CELF2: variants seen among roughly 807,000 people sequenced by gnomAD.
CELF2 encodes CUGBP Elav-like family member 2, also known as CUG triplet repeat RNA-binding protein 2.
A neutral mutation model predicts 62.6 loss-of-function variants in CELF2; 8 were observed. The ratio of observed to expected loss-of-function variants is 0.13; its 90% CI spans 0.07 to 0.23. The LOEUF (loss-of-function observed/expected upper bound fraction) is 0.23, where lower values mean the gene tolerates loss of function less well. Among genes scored for constraint, CELF2 ranks in the 10% least tolerant of loss-of-function variants. The pLI, the probability that CELF2 is intolerant of heterozygous loss-of-function variation, is 1.00. For synonymous variants in CELF2, 258 were observed against 250.0 expected (o/e 1.03, Z -0.30); for missense variants, 333 against 671.0 (o/e 0.50, Z 5.56).
rs1198801956 is a variant in CELF2, at chr10:11,212,266, C to T, written c.272-5159C>T. Among the ~76,000 whole-genome samples, 3 of 152,168 alleles carry T rather than the reference C, an allele frequency of 2.0e-5. No individual in the cohort carries two copies. In the East Asian group the frequency reaches 5.8e-4, roughly 29 times the overall value. ...AAATGGGGAACCAGGGCTTTCCATA[C>T]CTGTCTCCTTCTCTCAGTGTCCAGG... On this transcript the variant is annotated intron_variant, in intron 2 of 12. Transcript: ENST00000633077.
At chr10:10,698,468 A>G in the CELF2 span, among the ~76,000 whole-genome samples, 7 of 152,256 alleles carry the variant, frequency 4.6e-5, no homozygotes, top group African/African-American at 1.7e-4. Flanking sequence ...TTTGATATAC[A>G]TATGTAACAT....
upstream of CELF2, among the ~76,000 whole-genome samples, chr10:10,793,988 G>A (rs1457236299): frequency 2.0e-5 from 3 of 151,368 alleles, no homozygotes; most frequent in African/African-American, 7.3e-5. Flanking sequence ...GTTTTTTTTG[G>A]TATAAGTATA....
the CELF2 span, among the ~76,000 whole-genome samples, chr10:10,651,946 C>T: frequency 9.1e-4 from 137 of 151,060 alleles, no homozygotes; most frequent in Middle Eastern, 6.8e-3. Context: ...GACATTCAAA[C>T]CAAAGGCAAA....
the CELF2 span, among the ~76,000 whole-genome samples, chr10:10,517,682 T>G: frequency 0.27 from 40,802 of 151,942 alleles, 5,796 homozygotes; most frequent in Non-Finnish European, 0.32. Context: ...CGATTTTCCC[T>G]GCAACATGGG....
chr10:10,949,946 C>T (rs776804036), intron 2 of CELF2, among the ~76,000 whole-genome samples: 1 of 151,888 alleles, frequency 6.6e-6, no homozygotes. Context: ...CTTTTCAGGT[C>T]GATGGAACTT....
intron 1 of CELF2, among the ~76,000 whole-genome samples, chr10:11,066,811 G>C (rs1343567584): frequency 6.6e-6 from 1 of 152,074 alleles, no homozygotes; most frequent in Admixed American, 6.5e-5. Context: ...TAGGTGCCAG[G>C]GTGTGGGGGG....
the CELF2 span, among the ~76,000 whole-genome samples, chr10:10,520,466 C>T: frequency 1.3e-5 from 2 of 152,114 alleles, no homozygotes; most frequent in Non-Finnish European, 2.9e-5. Context: ...TTCCTGTTCT[C>T]CCAATACTTA....
the CELF2 span, among the ~76,000 whole-genome samples, chr10:10,549,526 C>T: frequency 6.6e-6 from 1 of 152,320 alleles, no homozygotes; most frequent in South Asian, 2.1e-4. Context: ...TCAGGTGATC[C>T]ACTTGCCTTG....
At chr10:11,005,315 G>A (rs2055044494), upstream of CELF2, 2 of 1,611,058 alleles carry the variant, frequency 1.2e-6, no homozygotes, top group Non-Finnish European at 1.7e-6. The surrounding 1 kb of genome is among the most constrained non-coding windows in gnomAD (Gnocchi z 4.3). Flanking sequence ...GCGCGTTAGT[G>A]AGCAGCGACT....
At chr10:10,834,227 C>T (rs757651659) in intron 1 of CELF2, among the ~76,000 whole-genome samples, 8 of 152,168 alleles carry the variant, frequency 5.3e-5, no homozygotes, top group African/African-American at 1.4e-4. Flanking sequence ...CCAAATACTG[C>T]GTGTTCTCAC....
At chr10:10,858,624 AT>A (rs1267105843) in intron 1 of CELF2, among the ~76,000 whole-genome samples, 2 of 152,188 alleles carry the variant, frequency 1.3e-5, no homozygotes, top group Non-Finnish European at 2.9e-5. Flanking sequence ...CTCCATTAGA[AT>A]TAAAAATTCA....
intron 2 of CELF2, among the ~76,000 whole-genome samples, chr10:11,193,362 T>C (rs750108110): frequency 2.8e-4 from 43 of 152,230 alleles, no homozygotes; most frequent in Non-Finnish European, 2.9e-5. Flanking sequence ...CTGTAAGAAA[T>C]CACACATTTC....
intron 2 of CELF2, among the ~76,000 whole-genome samples, chr10:11,188,096 A>C (rs1318566048): frequency 6.6e-6 from 1 of 152,062 alleles, no homozygotes. Flanking sequence ...TGAAGTATGT[A>C]TCTAGATCTA....
chr10:10,587,743 C>G, the CELF2 span, among the ~76,000 whole-genome samples: 2 of 152,118 alleles, frequency 1.3e-5, no homozygotes, highest in Admixed American at 1.3e-4. Flanking sequence ...CAGCTCAACT[C>G]TTTCCTTGCT....
In CELF2 at chr10:11,268,748, CATT is replaced by C. The variant is rs2082874970; in HGVS notation, c.619-1915_619-1913del. 6.6e-6 allele frequency among the ~76,000 whole-genome samples: 1 copy of C among 152,008 alleles called. No homozygotes were observed. Reference sequence around the variant, plus strand: ...TAGGAGGTTATATATTATGCAGTCACATTATAATTGTTTGACTAACGTTGTTTA... The same window carrying C: ...TAGGAGGTTATATATTATGCAGTCACATAATTGTTTGACTAACGTTGTTTA... On this transcript the variant is annotated intron_variant, in intron 6 of 12. Coordinates refer to ENST00000633077, the MANE Select transcript of CELF2 (RefSeq NM_001326342.2). The surrounding 1 kb of genome is among the most constrained non-coding windows in gnomAD (Gnocchi z 4.7).
At chr10:10,752,074 G>A in the CELF2 span, among the ~76,000 whole-genome samples, 1 of 152,188 alleles carries the variant, frequency 6.6e-6, no homozygotes, top group Non-Finnish European at 1.5e-5. Context: ...TGTTCTCACT[G>A]AAAACATGCA....
intron 1 of CELF2, among the ~76,000 whole-genome samples, chr10:11,055,292 A>G (rs939767022): frequency 6.6e-6 from 1 of 152,250 alleles, no homozygotes; most frequent in African/African-American, 2.4e-5. Context: ...GAATGCCTTT[A>G]CAAGTCCACA....
At chr10:11,121,057 C>T (rs1370697940) in intron 1 of CELF2, among the ~76,000 whole-genome samples, 3 of 152,170 alleles carry the variant, frequency 2.0e-5, no homozygotes, top group African/African-American at 7.2e-5. Flanking sequence ...ATGTTCCTGT[C>T]GTGGACAGAA....
intron 2 of CELF2, among the ~76,000 whole-genome samples, chr10:11,179,624 A>G (rs1450001219): frequency 6.6e-6 from 1 of 152,222 alleles, no homozygotes; most frequent in African/African-American, 2.4e-5. Context: ...CGTGCCAGGC[A>G]GTGTGCCGCA....
Sources: allele counts gnomAD v4.1 joint callset (sites outside exome capture counted in the v4.1 genomes callset), GRCh38; gene constraint gnomAD v4.1.1; non-coding constraint Gnocchi (gnomAD v3.1); transcripts MANE v1.5; gene names NCBI Gene and HGNC (gene_info 2026-07-23, HGNC 2026-07-21).